The following XRN1 variants were observed in gnomAD, a reference collection of about 807,000 sequenced individuals.
XRN1 encodes the protein 5'-3' exoribonuclease 1.
In XRN1, 67 loss-of-function variants were observed where a neutral mutation model predicts 222.3. The observed-to-expected ratio is 0.30, with a 90% CI of 0.25 to 0.37. XRN1 has a LOEUF of 0.37. XRN1 is among the 10% of genes least tolerant of loss of function. The probability of loss-of-function intolerance (pLI) is 1.00; values close to 1 mark genes in which losing one functional copy is unlikely to be tolerated. For missense variants in XRN1, 1,707 were observed against 2,000.2 expected (o/e 0.85, Z 2.80); for synonymous variants, 643 against 652.4 (o/e 0.99, Z 0.22).
intron 19 of XRN1, among the ~76,000 whole-genome samples, chr3:142,399,621 T>C (rs867547827): frequency 3.3e-5 from 5 of 151,470 alleles, no homozygotes; most frequent in Middle Eastern, 3.2e-3. Context: ...TAAATTCTGA[T>C]AAAAAAAATC....
At position 142,422,180 on chromosome 3, in the gene XRN1, T is replaced by C. The variant is rs530108975; in HGVS notation, c.967+402A>G. ...TAAAACCCCATCTCCACTAAAAATA[T>C]AGAACTTAGCTGGGCATGGTGACAC... On this transcript the variant is annotated intron_variant, in intron 8 of 40. Coordinates refer to ENST00000392981, the MANE Select transcript of XRN1 (RefSeq NM_001282857.2). Among the ~76,000 whole-genome samples the C allele has an allele frequency of 4.6e-5, 7 of 151,836 alleles. No homozygotes were observed. In the East Asian group the frequency reaches 7.8e-4, roughly 17 times the overall value.
rs180977519 is a variant in XRN1 at position 142,402,264 on chromosome 3, C to A, written c.2103+1410G>T. 6.6e-5 allele frequency among the ~76,000 whole-genome samples: 10 copies of A among 152,030 alleles called. No homozygotes were observed. In the East Asian group the frequency reaches 1.9e-3, roughly 29 times the overall value. ...GTGGCGCGATTTTGGCTCACTGCCA[C>A]GTCCACCTCCTGGGTTCAAGCAATT... On this transcript the variant is annotated intron_variant, in intron 18 of 40. Coordinates refer to ENST00000392981, the MANE Select transcript of XRN1 (RefSeq NM_001282857.2).
chr3:142,431,865 A>T (rs376867370), intron 2 of XRN1, among the ~76,000 whole-genome samples: 905 of 31,858 alleles, frequency 0.028, 18 homozygotes, highest in Non-Finnish European at 0.038. Context: ...ATTATATATA[A>T]TATATTATAT....
At position 142,307,172 on chromosome 3, in the gene XRN1, C is replaced by G. The variant is rs941113271; in HGVS notation, c.*4339G>C. ...CAACCTCCCCATCCCCCACCAAACC[C>G]TTAACTGTAAGGGAAAGAAAGGAAG... On this transcript the variant is annotated 3_prime_UTR_variant, in exon 41 of 41. Transcript: ENST00000392981. 2 of 152,100 alleles carry G rather than the reference C, an allele frequency of 1.3e-5. No homozygotes were observed. Among genetic ancestry groups the G allele is most frequent in the African/African-American group, 4.8e-5 (2 of 41,388 alleles). The allele number at this position is 152,100 out of a possible 1,614,324, so 9.4% of individuals were successfully genotyped here. A position where few individuals can be genotyped will look rare whatever the true frequency, so the allele number is the denominator to read the frequency against.
chr3:142,348,456 A>C (rs920778593), intron 32 of XRN1, among the ~76,000 whole-genome samples: 6 of 152,186 alleles, frequency 3.9e-5, no homozygotes, highest in African/African-American at 1.4e-4. Context: ...AAATGGCATA[A>C]ATTTCATATG....
At chr3:142,390,570 A>C (rs1443078811) in intron 20 of XRN1, among the ~76,000 whole-genome samples, 3 of 152,244 alleles carry the variant, frequency 2.0e-5, no homozygotes, top group Non-Finnish European at 2.9e-5. Context: ...ACTGTGGATT[A>C]ACCTTTGGCT....
chr3:142,436,743 A>G (rs969955319), intron 1 of XRN1, among the ~76,000 whole-genome samples: 2 of 152,336 alleles, frequency 1.3e-5, no homozygotes, highest in Non-Finnish European at 2.9e-5. Flanking sequence ...TGCATAATAT[A>G]TATCATCAAG....
At chr3:142,419,863 A>G (rs1308919274) in intron 10 of XRN1, among the ~76,000 whole-genome samples, 1 of 152,108 alleles carries the variant, frequency 6.6e-6, no homozygotes, top group East Asian at 1.9e-4. Context: ...AGGCTGAAGA[A>G]TTTTTCACAA....
At chr3:142,333,201 C>A in intron 34 of XRN1, 112 bp from the exon 35 acceptor site, 1 of 1,241,526 alleles carries the variant, frequency 8.1e-7, no homozygotes, top group Non-Finnish European at 1.1e-6. Context: ...ATCATCTTCC[C>A]AGGTGTTAAA....
chr3:142,391,703 C>T (rs964457027), intron 20 of XRN1, among the ~76,000 whole-genome samples: 1 of 147,232 alleles, frequency 6.8e-6, no homozygotes, highest in East Asian at 2.0e-4. Context: ...CACTGCACTC[C>T]ACCCTGAGTG....
intron 18 of XRN1, among the ~76,000 whole-genome samples, 187 bp downstream of exon 18, chr3:142,403,487 T>C (rs1256579246): frequency 6.6e-6 from 1 of 152,184 alleles, no homozygotes; most frequent in African/African-American, 2.4e-5. Context: ...TGTATATTCA[T>C]TGTGTCACAG....
intron 13 of XRN1, among the ~76,000 whole-genome samples, chr3:142,416,821 C>G (rs2068806150): frequency 6.6e-6 from 1 of 151,816 alleles, no homozygotes; most frequent in Admixed American, 6.6e-5. Flanking sequence ...CACCTGAGGT[C>G]AGGAGTTCGA....
chr3:142,313,667 T>C (rs1227719721), intron 39 of XRN1, among the ~76,000 whole-genome samples: 1 of 152,212 alleles, frequency 6.6e-6, no homozygotes, highest in Non-Finnish European at 1.5e-5. Flanking sequence ...CATAATATAT[T>C]TCAGTGTTAT....
chr3:142,437,769 GA>G (rs2069987377), intron 1 of XRN1, among the ~76,000 whole-genome samples: 1 of 152,098 alleles, frequency 6.6e-6, no homozygotes, highest in South Asian at 2.1e-4. Context: ...CCATAGAATG[GA>G]AGAAATGTAT....
chr3:142,370,711 T>A lies in XRN1; in HGVS notation c.3069-91A>T. 9.0e-6 allele frequency: 10 copies of A among 1,113,804 alleles called. No homozygotes were observed. In the South Asian group the frequency reaches 1.9e-4, roughly 22 times the overall value. The allele number at this position is 1,113,804 out of a possible 1,614,324, so 69.0% of individuals were successfully genotyped here. On this transcript the variant is annotated intron_variant, in intron 26 of 40. Transcript: ENST00000392981. ...ACATAAAACTTATATAACTAATAATTAGTCACTGAACTTAATCGGGACTAA... is the reference window on the plus strand; with the variant it reads ...ACATAAAACTTATATAACTAATAATAAGTCACTGAACTTAATCGGGACTAA...
intron 18 of XRN1, among the ~76,000 whole-genome samples, chr3:142,403,272 C>T (rs2068214622): frequency 6.6e-6 from 1 of 152,098 alleles, no homozygotes; most frequent in Non-Finnish European, 1.5e-5. Flanking sequence ...TTCAGATACA[C>T]AAAAAGGTTA....
chr3:142,345,153 C>T lies in XRN1; in HGVS notation c.3877+2081G>A, dbSNP rs542302871. 5.3e-5 allele frequency among the ~76,000 whole-genome samples: 8 copies of T among 152,250 alleles called. 1 individual carries two copies. The South Asian group carries it at 1.7e-3, about 32-fold the overall frequency. ...GTCTTAATATGTTTCCCGGGCTGGA[C>T]TCAAACTCCTGGGTTCAAGCAATCC... On this transcript the variant is annotated intron_variant, in intron 33 of 40. Coordinates refer to ENST00000392981, the MANE Select transcript of XRN1 (RefSeq NM_001282857.2).
At chr3:142,408,079 C>G (rs976072190) in intron 15 of XRN1, among the ~76,000 whole-genome samples, 2 of 152,226 alleles carry the variant, frequency 1.3e-5, no homozygotes, top group African/African-American at 4.8e-5. Flanking sequence ...AGACAGTTCA[C>G]ACACCGCTGT....
chr3:142,394,304 T>G (rs2067847178), intron 20 of XRN1, among the ~76,000 whole-genome samples: 1 of 152,190 alleles, frequency 6.6e-6, no homozygotes, highest in Non-Finnish European at 1.5e-5. Flanking sequence ...CAGCCATTTG[T>G]TTTTTCTAAG....
Sources: allele counts gnomAD v4.1 joint callset (sites outside exome capture counted in the v4.1 genomes callset), GRCh38; gene constraint gnomAD v4.1.1; transcripts MANE v1.5; gene names NCBI Gene and HGNC (gene_info 2026-07-23, HGNC 2026-07-21).